USP50: variants seen among roughly 807,000 people sequenced by gnomAD.
The protein encoded by USP50 is ubiquitin carboxyl-terminal hydrolase 50.
In USP50, 37 loss-of-function variants were observed where a neutral mutation model predicts 39.2. The ratio of observed to expected loss-of-function variants is 0.94; its 90% CI spans 0.73 to 1.24. The LOEUF is 1.24. Among genes scored for constraint, USP50 ranks in the 50% most tolerant of loss-of-function variants. The pLI, the probability that USP50 is intolerant of heterozygous loss-of-function variation, is 0.00. For missense variants in USP50, 374 were observed against 398.2 expected, an observed-to-expected ratio of 0.94 and a Z score of 0.52; for synonymous variants, 139 against 144.5, an observed-to-expected ratio of 0.96 and a Z score of 0.27.
At chr15:50,493,581 C>T, downstream of USP50, 3 of 476,206 alleles carry the variant, frequency 6.3e-6, no homozygotes, top group East Asian at 1.7e-4. Flanking sequence ...AGGCAAAACT[C>T]CGTCTCTACA....
At chr15:50,497,306 G>C (rs942654387), downstream of USP50, 12 of 1,507,402 alleles carry the variant, frequency 8.0e-6, no homozygotes, top group Admixed American at 1.4e-4. Context: ...ATTTATACTT[G>C]TTGTACTGCC....
intron 6 of USP50, chr15:50,509,370 G>A (rs1192153871): frequency 1.3e-5 from 2 of 151,658 alleles, no homozygotes; most frequent in Admixed American, 6.6e-5. Flanking sequence ...GAGACAAGGC[G>A]GCCGGGCGCG....
At chr15:50,501,063 G>C in intron 6 of USP50, 2 of 469,994 alleles carry the variant, frequency 4.3e-6, no homozygotes, top group Non-Finnish European at 7.8e-6. Context: ...TGTGAATAAA[G>C]AAAGACAATA....
At chr15:50,512,696 G>GT (rs901723979) in intron 6 of USP50, 1 of 151,936 alleles carries the variant, frequency 6.6e-6, no homozygotes, top group African/African-American at 2.4e-5. Context: ...GGAGGCTGGG[G>GT]CATGAGAATC....
chr15:50,521,978 A>G (rs547146588), intron 6 of USP50, among the ~76,000 whole-genome samples: 110 of 152,314 alleles, frequency 7.2e-4, no homozygotes, highest in Non-Finnish European at 1.6e-3. Flanking sequence ...AACAGCAGAA[A>G]CAAAAGAGGA....
chr15:50,526,584 C>A (rs868306036), intron 6 of USP50, among the ~76,000 whole-genome samples: 2 of 152,324 alleles, frequency 1.3e-5, no homozygotes, highest in South Asian at 2.1e-4. Context: ...TGCATATGTA[C>A]AAGCATGTGT....
downstream of USP50, among the ~76,000 whole-genome samples, chr15:50,496,478 CT>C (rs1243092479): frequency 8.6e-5 from 5 of 58,448 alleles, no homozygotes; most frequent in African/African-American, 4.0e-4. Context: ...AAGACTCCGT[CT>C]TAAAAAAAAA....
At chr15:50,534,874 C>T (rs1412697040) in intron 5 of USP50, among the ~76,000 whole-genome samples, 1 of 152,158 alleles carries the variant, frequency 6.6e-6, no homozygotes, top group Non-Finnish European at 1.5e-5. Context: ...GGTACCGTGG[C>T]TCATGCCTGT....
rs567327227 is a variant in USP50 at position 50,544,303 on chromosome 15, A to G, written c.248+284T>C. Among the ~76,000 whole-genome samples, 40 of 152,216 alleles carry G rather than the reference A, an allele frequency of 2.6e-4. No individual in the cohort carries two copies. In the East Asian group the frequency reaches 7.3e-3, roughly 28 times the overall value. On this transcript the variant is annotated intron_variant, in intron 2 of 6. Transcript: ENST00000532404. ...CTTGAACCCGAGGAACAGAGGTTGC[A>G]GGGAGCCAAGATCGCACCACTGCAC...
chr15:50,496,789 A>G, downstream of USP50: 2 of 229,060 alleles, frequency 8.7e-6, no homozygotes, highest in Non-Finnish European at 8.4e-6. Context: ...TGATACCTTT[A>G]GTCTTAAAGT....
intron 6 of USP50, 39 bp downstream of exon 6, chr15:50,529,740 ATAATTCTGGAGTTTTCTT>A: frequency 6.4e-7 from 1 of 1,569,642 alleles, no homozygotes; most frequent in Non-Finnish European, 8.6e-7. Context: ...ATTCAAGCAG[ATAATTCTGGAGTTTTCTT>A]TAAAATTGGA....
chr15:50,514,294 TTC>T (rs1225847433), intron 6 of USP50: 4 of 152,172 alleles, frequency 2.6e-5, no homozygotes, highest in African/African-American at 7.2e-5. Context: ...GCTGGTAACA[TTC>T]TGTTTAAACT....
intron 4 of USP50, among the ~76,000 whole-genome samples, chr15:50,539,289 A>G (rs927337117): frequency 2.8e-4 from 42 of 151,112 alleles, no homozygotes; most frequent in Admixed American, 2.0e-3. Context: ...TTATATTTTT[A>G]GTAGAAATGG....
chr15:50,541,323 G>A (rs2053028578), intron 3 of USP50, 59 bp from the exon 4 acceptor site: 14 of 1,458,874 alleles, frequency 9.6e-6, no homozygotes, highest in African/African-American at 1.4e-5. Flanking sequence ...AAAGACTGTG[G>A]CAACATGGTG....
At chr15:50,494,043 C>G in exon 2 of USP50, 1 of 1,591,374 alleles carries the variant, frequency 6.3e-7, no homozygotes, top group South Asian at 1.1e-5. Flanking sequence ...CCTTTATTGT[C>G]TTTTGTAACA....
At chr15:50,543,055 A>G (rs549284356) in intron 3 of USP50, among the ~76,000 whole-genome samples, 2 of 152,322 alleles carry the variant, frequency 1.3e-5, no homozygotes, top group South Asian at 4.1e-4. Flanking sequence ...AATGAAATGT[A>G]TGTCCTAATT....
chr15:50,522,254 A>G (rs2052856654), intron 6 of USP50, among the ~76,000 whole-genome samples: 1 of 152,140 alleles, frequency 6.6e-6, no homozygotes, highest in Admixed American at 6.6e-5. Context: ...GTGAGACCCC[A>G]TCTCTACAAA....
chr15:50,544,830 G>A (rs1596022679), intron 1 of USP50, 49 bp from the exon 2 acceptor site: 3 of 1,534,858 alleles, frequency 2.0e-6, no homozygotes, highest in Admixed American at 1.8e-5. Flanking sequence ...AACAAAATAT[G>A]TACAAATGAC....
chr15:50,523,175 C>T (rs1373707152), intron 6 of USP50, among the ~76,000 whole-genome samples: 40 of 104,196 alleles, frequency 3.8e-4, no homozygotes, highest in Admixed American at 8.0e-4. Context: ...AAATCAGTAG[C>T]TTTTTTTTTT....
Sources: allele counts gnomAD v4.1 joint callset (sites outside exome capture counted in the v4.1 genomes callset), GRCh38; gene constraint gnomAD v4.1.1; transcripts MANE v1.5; gene names NCBI Gene and HGNC (gene_info 2026-07-23, HGNC 2026-07-21).